Variants in CDKAL1 observed in about 807,000 individuals in gnomAD.
CDKAL1 encodes CDKAL1 threonylcarbamoyladenosine tRNA methylthiotransferase.
A neutral mutation model predicts 68.2 loss-of-function variants in CDKAL1; 32 were observed. The observed-to-expected ratio is 0.47, with a 90% CI of 0.35 to 0.63. CDKAL1 has a LOEUF of 0.63. Ranked by LOEUF, CDKAL1 falls within the 30% of genes least tolerant of loss-of-function variation. The pLI is 0.00. For synonymous variants in CDKAL1, 234 were observed against 244.3 expected, an observed-to-expected ratio of 0.96 and a Z score of 0.39; for missense variants, 606 against 696.7, an observed-to-expected ratio of 0.87 and a Z score of 1.47.
chr6:20,823,529 G>A (rs1777375169), intron 8 of CDKAL1, among the ~76,000 whole-genome samples: 1 of 152,156 alleles, frequency 6.6e-6, no homozygotes, highest in African/African-American at 2.4e-5. Context: ...GCAGCTTGCT[G>A]CCAGTGCTCA....
intron 5 of CDKAL1, among the ~76,000 whole-genome samples, chr6:20,711,547 A>G (rs1181523471): frequency 1.3e-5 from 2 of 152,236 alleles, no homozygotes; most frequent in East Asian, 3.8e-4. Flanking sequence ...GGATTTCACC[A>G]CTTACATTAA....
intron 10 of CDKAL1, among the ~76,000 whole-genome samples, chr6:20,979,924 A>T (rs186706957): frequency 3.3e-5 from 5 of 151,860 alleles, no homozygotes; most frequent in African/African-American, 1.2e-4. Context: ...GGCATGCACC[A>T]CCACACCTGG....
chr6:20,952,152 G>C (rs945177940), intron 9 of CDKAL1, among the ~76,000 whole-genome samples: 3 of 151,808 alleles, frequency 2.0e-5, no homozygotes, highest in Non-Finnish European at 2.9e-5. Context: ...TAGAGACAGG[G>C]TTTCACCGTG....
Position 20,742,108 on chromosome 6 carries a change from T to G in CDKAL1, c.468+2493T>G, listed in dbSNP as rs116300927. On this transcript the variant is annotated intron_variant, in intron 6 of 15. Coordinates refer to ENST00000274695, the MANE Select transcript of CDKAL1 (RefSeq NM_017774.3). ...ATGCTTGTTAGCCGCGTGTATGTCT[T>G]CTTTTGAAGTGTCTGTTCATGTCCT... Among the ~76,000 whole-genome samples the G allele has an allele frequency of 5.0e-3, 765 of 152,326 alleles. 5 individuals are homozygous for G. Among genetic ancestry groups the G allele is most frequent in the African/African-American group, 0.017 (704 of 41,562 alleles).
At chr6:20,988,182 A>ATGTGTGTGTATG (rs1554153514) in intron 10 of CDKAL1, among the ~76,000 whole-genome samples, 1 of 137,388 alleles carries the variant, frequency 7.3e-6, no homozygotes, top group East Asian at 2.2e-4. Flanking sequence ...GAAACATAAT[A>ATGTGTGTGTATG]TGTGTGTGTG....
At chr6:20,861,899 T>C (rs1286211947) in intron 9 of CDKAL1, among the ~76,000 whole-genome samples, 1 of 152,220 alleles carries the variant, frequency 6.6e-6, no homozygotes, top group Non-Finnish European at 1.5e-5. Flanking sequence ...GGAGAAGTCA[T>C]ATTGAATGTT....
chr6:20,694,042 T>TTGTGTGTGTGTGTGTATATGTG lies in CDKAL1; in HGVS notation c.371+44680_371+44681insATATGTGTGTGTGTGTGTGTGT, dbSNP rs1261180037. On this transcript the variant is annotated intron_variant, in intron 5 of 15. Transcript: ENST00000274695. ...CACACACTAACACACCCGGCTAACT[T>TTGTGTGTGTGTGTGTATATGTG]TGTGTGTGTGTGTGTGTGTATGTGT... 2.0e-3 allele frequency among the ~76,000 whole-genome samples: 227 copies of TTGTGTGTGTGTGTGTATATGTG among 114,384 alleles called. 2 individuals carry two copies. Among genetic ancestry groups the TTGTGTGTGTGTGTGTATATGTG allele is most frequent in the African/African-American group, 9.1e-3 (215 of 23,726 alleles). The allele number at this position is 114,384 out of a possible 152,430, so 75.0% of individuals were successfully genotyped here.
At chr6:20,551,848 C>G (rs12055423) in intron 4 of CDKAL1, among the ~76,000 whole-genome samples, 1 of 151,812 alleles carries the variant, frequency 6.6e-6, no homozygotes, top group Admixed American at 6.6e-5. Flanking sequence ...TTACCATATT[C>G]TGATGGTGTA....
chr6:21,146,258 T>A (rs1776163084), intron 13 of CDKAL1, among the ~76,000 whole-genome samples: 1 of 152,166 alleles, frequency 6.6e-6, no homozygotes, highest in African/African-American at 2.4e-5. Flanking sequence ...ATTAGAATGA[T>A]TAATTTAATC....
intron 8 of CDKAL1, among the ~76,000 whole-genome samples, chr6:20,822,526 G>A (rs767817375): frequency 1.3e-5 from 2 of 152,104 alleles, no homozygotes; most frequent in South Asian, 2.1e-4. Flanking sequence ...AAACAGCATC[G>A]TTTTCTTTGG....
At chr6:20,685,824 A>G (rs1581382468) in intron 5 of CDKAL1, among the ~76,000 whole-genome samples, 1 of 152,168 alleles carries the variant, frequency 6.6e-6, no homozygotes, top group African/African-American at 2.4e-5. Context: ...TCTGAGTTCA[A>G]GTGATCCTCT....
chr6:20,776,017 A>G (rs778756371), intron 7 of CDKAL1, among the ~76,000 whole-genome samples: 5 of 151,994 alleles, frequency 3.3e-5, no homozygotes, highest in Admixed American at 6.6e-5. Context: ...AAAACAGACT[A>G]TTGTTAGGTC....
At chr6:20,552,645 C>T (rs1462302873) in intron 4 of CDKAL1, among the ~76,000 whole-genome samples, 1 of 146,388 alleles carries the variant, frequency 6.8e-6, no homozygotes, top group East Asian at 2.0e-4. Flanking sequence ...GCTAATGTAG[C>T]ATAGTCTGTT....
chr6:20,539,730 G>C lies in CDKAL1; in HGVS notation c.-6+4336G>C, dbSNP rs1374905971. Among the ~76,000 whole-genome samples, 3 of 152,178 alleles carry C rather than the reference G, an allele frequency of 2.0e-5. No individual in the cohort carries two copies. Among genetic ancestry groups the C allele is most frequent in the Non-Finnish European group, 4.4e-5 (3 of 68,032 alleles). ...GAGGCTGATTATATATGTCATTGCAGATCTTTGTAGTGATTTTGGCTTTTT... is the reference window on the plus strand; with the variant it reads ...GAGGCTGATTATATATGTCATTGCACATCTTTGTAGTGATTTTGGCTTTTT... On this transcript the variant is annotated intron_variant, in intron 2 of 15. Transcript: ENST00000274695. This position sits in a 1 kb window ranked among gnomAD's most constrained non-coding sequence, Gnocchi z 4.3.
chr6:20,649,201 T>A, intron 4 of CDKAL1, 92 bp from the exon 5 acceptor site: 1 of 795,676 alleles, frequency 1.3e-6, no homozygotes, highest in Non-Finnish European at 2.1e-6. Flanking sequence ...ACTGTTTTTC[T>A]CTCCCCTACC....
intron 12 of CDKAL1, among the ~76,000 whole-genome samples, chr6:21,072,017 C>A (rs142160962): frequency 1.1e-4 from 16 of 152,326 alleles, no homozygotes; most frequent in African/African-American, 3.6e-4. Context: ...AAGCGATACA[C>A]ACAGCCAGCT....
At chr6:20,947,441 A>G (rs1764301621) in intron 9 of CDKAL1, among the ~76,000 whole-genome samples, 1 of 151,986 alleles carries the variant, frequency 6.6e-6, no homozygotes, top group Non-Finnish European at 1.5e-5. Flanking sequence ...AAATACAAAA[A>G]TTTGCCAGGT....
intron 4 of CDKAL1, among the ~76,000 whole-genome samples, chr6:20,621,455 T>C (rs1295752102): frequency 1.3e-5 from 2 of 152,130 alleles, no homozygotes; most frequent in Non-Finnish European, 2.9e-5. Context: ...CTTCCCTCCC[T>C]TCCATACTGG....
At chr6:20,636,127 T>C (rs1287205101) in intron 4 of CDKAL1, among the ~76,000 whole-genome samples, 1 of 152,162 alleles carries the variant, frequency 6.6e-6, no homozygotes, top group Non-Finnish European at 1.5e-5. Flanking sequence ...AATTTTCTTC[T>C]AGGTTTTATG....
Sources: gnomAD v4.1 joint callset for allele counts (sites outside exome capture counted in the v4.1 genomes callset) on GRCh38, gnomAD v4.1.1 for gene constraint, Gnocchi (gnomAD v3.1) non-coding constraint, MANE v1.5 for transcripts, NCBI Gene and HGNC (gene_info 2026-07-23, HGNC 2026-07-21) for gene names.